Variants in ARHGEF4 observed in about 807,000 individuals in gnomAD.
ARHGEF4 encodes Rho guanine nucleotide exchange factor 4.
In ARHGEF4, 119 loss-of-function variants were observed where a neutral mutation model predicts 162.0. The observed-to-expected ratio is 0.73, with a 90% CI of 0.63 to 0.86. ARHGEF4 has a LOEUF of 0.86. ARHGEF4 is among the 40% of genes least tolerant of loss of function. The pLI is 0.00. For missense variants in ARHGEF4, 2,488 were observed against 2,456.0 expected (o/e 1.01, Z -0.28); for synonymous variants, 1,014 against 979.9 (o/e 1.03, Z -0.65).
rs1194117038 is a variant in ARHGEF4, at chr2:131,047,130, G to A, written c.*941G>A. On this transcript the variant is annotated 3_prime_UTR_variant, in exon 14 of 14. Transcript: ENST00000409359. ...CCTGCCAAGGGGCGCCAGGAGCAGA[G>A]CCAGGGCCTGGCGAGCTGGCGTGGA... 1 of 152,456 alleles carries A rather than the reference G, an allele frequency of 6.6e-6. No homozygotes were observed. The highest frequency in any genetic ancestry group is 1.5e-5 in the Non-Finnish European group (1 of 68,096). The allele number at this position is 152,456 out of a possible 1,614,324, so 9.4% of individuals were successfully genotyped here.
intron 5 of ARHGEF4, among the ~76,000 whole-genome samples, chr2:131,033,395 C>T (rs1690001945): frequency 6.6e-6 from 1 of 152,186 alleles, no homozygotes. Flanking sequence ...GCTGAAGAAC[C>T]AACCCCTGCC....
At chr2:130,986,658 C>T (rs536910404) in intron 4 of ARHGEF4, among the ~76,000 whole-genome samples, 16 of 152,162 alleles carry the variant, frequency 1.1e-4, no homozygotes, top group Non-Finnish European at 1.9e-4. Flanking sequence ...GGACCCTCCA[C>T]CAGCAGCAAC....
In ARHGEF4 at chr2:130,884,105, G is replaced by A. The variant is rs1022468104; in HGVS notation, c.40-29881G>A. Among the ~76,000 whole-genome samples the A allele has an allele frequency of 3.9e-5, 6 of 152,154 alleles. No homozygotes were observed. The South Asian group carries it at 1.2e-3, about 32-fold the overall frequency. On this transcript the variant is annotated intron_variant, in intron 1 of 13. Coordinates refer to ENST00000409359, the MANE Select transcript of ARHGEF4 (RefSeq NM_001367493.1). ...AAGAAGTGTGTGGAAATTCCAAAAA[G>A]GGTGTAATGATTTCACCAAATAGTT... is the stretch of plus-strand genomic sequence containing the variant.
intron 4 of ARHGEF4, among the ~76,000 whole-genome samples, chr2:130,971,599 A>G (rs1378113943): frequency 7.0e-6 from 1 of 143,380 alleles, no homozygotes; most frequent in Non-Finnish European, 1.5e-5. Context: ...TGGAGGTTGC[A>G]GTGAACCGAG....
chr2:131,038,730 C>T, intron 5 of ARHGEF4, 123 bp from the exon 6 acceptor site: 1 of 1,103,796 alleles, frequency 9.1e-7, no homozygotes, highest in Non-Finnish European at 1.3e-6. Context: ...GCAGCCTTGT[C>T]AGCTCCTCTG....
At chr2:130,872,266 G>A (rs574883190) in intron 1 of ARHGEF4, among the ~76,000 whole-genome samples, 10 of 152,264 alleles carry the variant, frequency 6.6e-5, no homozygotes, top group East Asian at 3.9e-4. Context: ...GTGTGTGAGC[G>A]ACATGGGCCC....
At chr2:131,015,603 G>C (rs1688723470) in intron 4 of ARHGEF4, among the ~76,000 whole-genome samples, 1 of 152,158 alleles carries the variant, frequency 6.6e-6, no homozygotes, top group African/African-American at 2.4e-5. Flanking sequence ...AAAAACAAAA[G>C]CTAGTCTGGG....
intron 1 of ARHGEF4, among the ~76,000 whole-genome samples, chr2:130,879,620 G>A (rs758589770): frequency 6.6e-6 from 1 of 151,942 alleles, no homozygotes; most frequent in Non-Finnish European, 1.5e-5. Context: ...GGTCACCATC[G>A]TTTCACTCCT....
In ARHGEF4 at chr2:130,856,599, T is replaced by C. The variant is rs75352953; in HGVS notation, c.39+19607T>C. Among the ~76,000 whole-genome samples the C allele has an allele frequency of 5.9e-5, 9 of 152,334 alleles. No homozygotes were observed. The East Asian group carries it at 1.7e-3, about 29-fold the overall frequency. On this transcript the variant is annotated intron_variant, in intron 1 of 13. Coordinates refer to ENST00000409359, the MANE Select transcript of ARHGEF4 (RefSeq NM_001367493.1). ...TAGGTAATTATAAGAGATAGAGCAA[T>C]TGCATATTTTTTCTTCTTAACTGTT...
Position 131,027,878 on chromosome 2 carries a change from C to G in ARHGEF4, c.3986-67C>G, listed in dbSNP as rs1166520318. 4.4e-6 allele frequency: 7 copies of G among 1,587,278 alleles called. No homozygotes were observed. In the African/African-American group the frequency reaches 6.7e-5, roughly 15 times the overall value. On this transcript the variant is annotated intron_variant, in intron 4 of 13. Coordinates refer to ENST00000409359, the MANE Select transcript of ARHGEF4 (RefSeq NM_001367493.1). The stretch of plus-strand genomic sequence containing the variant: ...GTCCTGAACCCACTGGGCTCCTTCT[C>G]CACGTGTTCTCCCCTCAGCCCTTCC...
At chr2:130,852,139 A>G (rs13006853) in intron 1 of ARHGEF4, among the ~76,000 whole-genome samples, 30,375 of 152,214 alleles carry the variant, frequency 0.2, 3,568 homozygotes, top group African/African-American at 0.3. Flanking sequence ...TCCACGGCAC[A>G]CCCTGCGCTG....
At chr2:130,954,513 C>T (rs550643509) in intron 4 of ARHGEF4, among the ~76,000 whole-genome samples, 42 of 152,040 alleles carry the variant, frequency 2.8e-4, no homozygotes, top group Non-Finnish European at 4.4e-4. Flanking sequence ...CAAACCTGCA[C>T]GTTGTGCACA....
rs557900049 is a variant in ARHGEF4 at position 130,837,141 on chromosome 2, A to G, written c.39+149A>G. ...CCCTCGTGGCTCCCCGCCGCTCCCAACTTTCCGACGTGCAGACCGGAGGCG... is the reference window on the plus strand; with the variant it reads ...CCCTCGTGGCTCCCCGCCGCTCCCAGCTTTCCGACGTGCAGACCGGAGGCG... On this transcript the variant is annotated intron_variant, in intron 1 of 13. Coordinates refer to ENST00000409359, the MANE Select transcript of ARHGEF4 (RefSeq NM_001367493.1). 148 of 734,666 alleles carry G rather than the reference A, an allele frequency of 2.0e-4. No homozygotes were observed. In the African/African-American group the frequency reaches 2.5e-3, roughly 13 times the overall value. 45.5% of individuals were successfully genotyped at this position (734,666 alleles called of 1,614,324 possible).
chr2:130,926,184 C>T (rs967119954), intron 2 of ARHGEF4, among the ~76,000 whole-genome samples: 2 of 151,768 alleles, frequency 1.3e-5, no homozygotes, highest in Non-Finnish European at 2.9e-5. Flanking sequence ...ATCAACTGAA[C>T]GTTTTATTTC....
chr2:130,842,306 C>T (rs1246372162), intron 1 of ARHGEF4, among the ~76,000 whole-genome samples: 1 of 152,172 alleles, frequency 6.6e-6, no homozygotes, highest in African/African-American at 2.4e-5. Context: ...CCCTGACTGT[C>T]ACTCAAGGAG....
chr2:131,042,930 A>G (rs1236843113), intron 10 of ARHGEF4, among the ~76,000 whole-genome samples: 1 of 152,234 alleles, frequency 6.6e-6, no homozygotes, highest in African/African-American at 2.4e-5. Context: ...GGTTGGCCTC[A>G]GAGGTGAATC....
At chr2:130,933,700 A>C (rs1029864968) in intron 3 of ARHGEF4, among the ~76,000 whole-genome samples, 17 of 152,210 alleles carry the variant, frequency 1.1e-4, no homozygotes, top group Non-Finnish European at 2.1e-4. Context: ...CATAAATGGA[A>C]ATTTTTAAAA....
chr2:130,847,447 C>A (rs1434475809), intron 1 of ARHGEF4, among the ~76,000 whole-genome samples: 1 of 152,180 alleles, frequency 6.6e-6, no homozygotes, highest in Non-Finnish European at 1.5e-5. Flanking sequence ...CATAACTGTG[C>A]ACATTTGGTG....
At chr2:130,837,711 C>A in intron 1 of ARHGEF4, 2 of 414,482 alleles carry the variant, frequency 4.8e-6, no homozygotes, top group South Asian at 1.7e-5. Flanking sequence ...GGTGAGCCAG[C>A]GGGAGGGCGG....
Sources: allele counts gnomAD v4.1 joint callset (sites outside exome capture counted in the v4.1 genomes callset), GRCh38; gene constraint gnomAD v4.1.1; transcripts MANE v1.5; gene names NCBI Gene and HGNC (gene_info 2026-07-23, HGNC 2026-07-21).